MIR2052HG: variants seen among roughly 807,000 people sequenced by gnomAD.
The protein encoded by MIR2052HG is MIR2052 host gene.
chr8:74,658,707 C>T (rs1808832297), intron 2 of MIR2052HG, among the ~76,000 whole-genome samples: 1 of 152,132 alleles, frequency 6.6e-6, no homozygotes, highest in Non-Finnish European at 1.5e-5. Context: ...CTTGAGTTTG[C>T]AGAATAATGC....
At chr8:74,635,943 T>G (rs1035542812) in intron 2 of MIR2052HG, among the ~76,000 whole-genome samples, 1 of 152,188 alleles carries the variant, frequency 6.6e-6, no homozygotes, top group Non-Finnish European at 1.5e-5. Context: ...TATTAAGTAA[T>G]GGAAATGTGG....
chr8:74,730,731 G>A lies in MIR2052HG; in HGVS notation n.372-21710G>A, dbSNP rs150476810. Among the ~76,000 whole-genome samples the A allele has an allele frequency of 1.1e-4, 16 of 152,234 alleles. No individual in the cohort carries two copies. The East Asian group carries it at 3.1e-3, about 29-fold the overall frequency. On this transcript the variant is annotated intron_variant and non_coding_transcript_variant, in intron 4 of 6. Coordinates refer to ENST00000523442, the Ensembl canonical transcript of MIR2052HG. ...TAAATTCACTTTTAGGATTCTGCCT[G>A]TAGATAAACTCACATGAGTTTACAT...
chr8:74,709,929 G>A (rs553184810), intron 4 of MIR2052HG, among the ~76,000 whole-genome samples: 1 of 152,080 alleles, frequency 6.6e-6, no homozygotes, highest in East Asian at 1.9e-4. Context: ...AATTGGCAGT[G>A]GTAAATAATG....
intron 4 of MIR2052HG, among the ~76,000 whole-genome samples, chr8:74,731,505 A>C (rs1259225717): frequency 1.3e-5 from 2 of 152,106 alleles, no homozygotes; most frequent in African/African-American, 4.8e-5. Flanking sequence ...AGCCCTTTTT[A>C]ACAGTGAAGG....
chr8:74,673,634 C>G (rs770033929), intron 2 of MIR2052HG, among the ~76,000 whole-genome samples: 1 of 151,902 alleles, frequency 6.6e-6, no homozygotes, highest in Non-Finnish European at 1.5e-5. Flanking sequence ...CCACGTCCAT[C>G]AATTCCTGGT....
At chr8:74,609,702 A>C (rs1808164412) in intron 1 of MIR2052HG, 1 of 149,800 alleles carries the variant, frequency 6.7e-6, no homozygotes, top group South Asian at 2.1e-4. Context: ...CTCTCATTTA[A>C]TGTAATAAAT....
intron 4 of MIR2052HG, among the ~76,000 whole-genome samples, chr8:74,709,660 A>G (rs1336008838): frequency 6.6e-6 from 1 of 152,062 alleles, no homozygotes; most frequent in Non-Finnish European, 1.5e-5. Context: ...AATTTATCTG[A>G]TTAATTAGAA....
intron 4 of MIR2052HG, among the ~76,000 whole-genome samples, chr8:74,712,792 G>A (rs189694686): frequency 6.6e-6 from 1 of 150,780 alleles, no homozygotes; most frequent in Admixed American, 6.6e-5. Context: ...TTGAGATAAT[G>A]TTCTATATGA....
chr8:74,669,213 C>A (rs2128737819), intron 2 of MIR2052HG, among the ~76,000 whole-genome samples: 1 of 152,320 alleles, frequency 6.6e-6, no homozygotes, highest in Non-Finnish European at 1.5e-5. Flanking sequence ...ATGAATATCA[C>A]TGCCAGTCAT....
intron 2 of MIR2052HG, among the ~76,000 whole-genome samples, chr8:74,683,504 G>C (rs1189376041): frequency 6.6e-6 from 1 of 152,022 alleles, no homozygotes; most frequent in Non-Finnish European, 1.5e-5. Context: ...CAGATGACTA[G>C]GTTCTTAATC....
intron 4 of MIR2052HG, among the ~76,000 whole-genome samples, chr8:74,715,303 G>A (rs1232458625): frequency 1.3e-5 from 2 of 152,122 alleles, no homozygotes; most frequent in South Asian, 4.1e-4. Flanking sequence ...ATAACTAAAG[G>A]AAGACATTGA....
At chr8:74,626,981 C>T (rs1808445686) in intron 2 of MIR2052HG, among the ~76,000 whole-genome samples, 1 of 152,176 alleles carries the variant, frequency 6.6e-6, no homozygotes, top group African/African-American at 2.4e-5. Flanking sequence ...AATTCTCCAG[C>T]CTTAAAATAT....
At chr8:74,618,391 A>G (rs549607719) in intron 2 of MIR2052HG, among the ~76,000 whole-genome samples, 1 of 152,222 alleles carries the variant, frequency 6.6e-6, no homozygotes, top group Non-Finnish European at 1.5e-5. Context: ...TTCTATTCCA[A>G]GTGCCCCAAG....
intron 2 of MIR2052HG, among the ~76,000 whole-genome samples, chr8:74,696,853 A>G (rs1292269757): frequency 1.3e-5 from 2 of 152,082 alleles, no homozygotes; most frequent in Non-Finnish European, 2.9e-5. Context: ...AAAAAAGTCC[A>G]GGACCAGATG....
chr8:74,616,057 G>A (rs1455799927), intron 2 of MIR2052HG, among the ~76,000 whole-genome samples: 1 of 152,050 alleles, frequency 6.6e-6, no homozygotes, highest in East Asian at 1.9e-4. Context: ...ATTGTGAATA[G>A]TGCTGCAATA....
intron 2 of MIR2052HG, among the ~76,000 whole-genome samples, chr8:74,699,112 A>G (rs1809331390): frequency 6.6e-6 from 1 of 152,076 alleles, no homozygotes; most frequent in South Asian, 2.1e-4. Flanking sequence ...AAAATAATAG[A>G]TGTTGGCATG....
intron 4 of MIR2052HG, among the ~76,000 whole-genome samples, chr8:74,749,516 A>G (rs1334204950): frequency 6.6e-6 from 1 of 152,204 alleles, no homozygotes; most frequent in African/African-American, 2.4e-5. Context: ...ACGTCTCAAC[A>G]TAATTTCAAG....
chr8:74,721,305 A>T (rs1313847924), intron 4 of MIR2052HG, among the ~76,000 whole-genome samples: 1 of 152,202 alleles, frequency 6.6e-6, no homozygotes, highest in African/African-American at 2.4e-5. Flanking sequence ...TATATAAAGT[A>T]GTTTTTATTC....
intron 2 of MIR2052HG, among the ~76,000 whole-genome samples, chr8:74,627,493 A>C (rs752954351): frequency 1.4e-4 from 22 of 152,242 alleles, no homozygotes; most frequent in Non-Finnish European, 2.2e-4. Context: ...CTTAATGCCT[A>C]TTTGAAAAAT....
Sources: gnomAD v4.1 joint callset for allele counts (sites outside exome capture counted in the v4.1 genomes callset) on GRCh38, gnomAD v4.1.1 for gene constraint, MANE v1.5 for transcripts, NCBI Gene and HGNC (gene_info 2026-07-23, HGNC 2026-07-21) for gene names.